The following LPP variants were observed in gnomAD, a reference collection of about 807,000 sequenced individuals.
The protein encoded by LPP is LIM domain containing preferred translocation partner in lipoma, also known as lipoma-preferred partner.
Under a neutral mutation model 60.4 loss-of-function variants are expected in LPP, and 38 were observed. The ratio of observed to expected loss-of-function variants is 0.63; its 90% CI spans 0.49 to 0.83. The LOEUF is 0.83. Ranked by LOEUF, LPP falls within the 40% of genes least tolerant of loss-of-function variation. LPP has a pLI of 0.00. For missense variants in LPP, 902 were observed against 783.6 expected (o/e 1.15, Z -1.80); for synonymous variants, 328 against 290.8 (o/e 1.13, Z -1.30).
intron 9 of LPP, among the ~76,000 whole-genome samples, chr3:188,839,495 G>C (rs1759358971): frequency 6.6e-6 from 1 of 152,236 alleles, no homozygotes; most frequent in East Asian, 1.9e-4. Flanking sequence ...CTGCTAACAG[G>C]GTTGTTCATT....
intron 7 of LPP, among the ~76,000 whole-genome samples, chr3:188,644,629 A>G (rs914132474): frequency 5.9e-5 from 9 of 152,174 alleles, no homozygotes; most frequent in Non-Finnish European, 1.2e-4. Flanking sequence ...TTAAAAAAAA[A>G]GTACTAAAAT....
intron 2 of LPP, among the ~76,000 whole-genome samples, chr3:188,340,396 C>CTTTTTTTTTTTTTTTTTTTTTT (rs5855188): frequency 1.7e-5 from 2 of 116,620 alleles, no homozygotes; most frequent in Non-Finnish European, 3.6e-5. Flanking sequence ...CAATCATGCT[C>CTTTTTTTTTTTTTTTTTTTTTT]TTTTTTTTTT....
chr3:188,486,015 A>G (rs1806399913), intron 5 of LPP, among the ~76,000 whole-genome samples: 1 of 152,078 alleles, frequency 6.6e-6, no homozygotes, highest in Admixed American at 6.5e-5. Flanking sequence ...CATTAATTTT[A>G]TCATTTGTTT....
Position 188,406,132 on chromosome 3 carries a change from A to ATTG in LPP, c.13_14insTGT (p.Pro4_Ser5insLeu). The ATTG allele has an allele frequency of 6.2e-7, 1 of 1,612,730 alleles. No individual in the cohort carries two copies. The highest frequency in any genetic ancestry group is 1.1e-5 in the South Asian group (1 of 90,806). ...TGCAGATTCCAACAATGTCTCACCCATCTTGGCTGCCACCCAAAAGCACTG... is the reference window on the plus strand; with the variant it reads ...TGCAGATTCCAACAATGTCTCACCCATTGTCTTGGCTGCCACCCAAAAGCACTG... On this transcript the variant is annotated inframe_insertion, in exon 4 of 12. Transcript: ENST00000617246.
chr3:188,540,061 A>G (rs1205765467), intron 6 of LPP, among the ~76,000 whole-genome samples: 1 of 152,184 alleles, frequency 6.6e-6, no homozygotes, highest in Non-Finnish European at 1.5e-5. Flanking sequence ...TAGATGTTTC[A>G]TTTGTTAAAG....
intron 8 of LPP, among the ~76,000 whole-genome samples, chr3:188,730,140 G>A (rs992415471): frequency 5.3e-5 from 8 of 152,182 alleles, no homozygotes; most frequent in East Asian, 1.9e-4. Flanking sequence ...ATCATTGTGC[G>A]TATGTGCATA....
chr3:188,454,922 C>T (rs1443526295), intron 4 of LPP, among the ~76,000 whole-genome samples: 1 of 152,174 alleles, frequency 6.6e-6, no homozygotes, highest in Non-Finnish European at 1.5e-5. Context: ...TAAACCACAT[C>T]AAGTTACCTG....
At chr3:188,792,966 C>T (rs970943019) in intron 9 of LPP, among the ~76,000 whole-genome samples, 27 of 151,948 alleles carry the variant, frequency 1.8e-4, no homozygotes, top group Non-Finnish European at 5.9e-5. Flanking sequence ...TTGAAGCTTC[C>T]GCAGAGGGGA....
At chr3:188,754,019 A>G (rs1192731221) in intron 8 of LPP, among the ~76,000 whole-genome samples, 1 of 152,242 alleles carries the variant, frequency 6.6e-6, no homozygotes, top group Non-Finnish European at 1.5e-5. Flanking sequence ...GCATATTGCT[A>G]CATTATGTAA....
intron 8 of LPP, among the ~76,000 whole-genome samples, chr3:188,746,810 AC>A (rs1726377865): frequency 6.6e-6 from 1 of 152,010 alleles, no homozygotes; most frequent in Non-Finnish European, 1.5e-5. Flanking sequence ...ACCCAGAAAT[AC>A]TCTACTGGCA....
chr3:188,251,045 C>T (rs1431017391), intron 2 of LPP, among the ~76,000 whole-genome samples: 1 of 117,918 alleles, frequency 8.5e-6, no homozygotes, highest in East Asian at 2.9e-4. Context: ...CCTTTTCTTT[C>T]TCTCTCTTTC....
At chr3:188,606,532 T>G (rs1842409655) in intron 6 of LPP, among the ~76,000 whole-genome samples, 1 of 152,170 alleles carries the variant, frequency 6.6e-6, no homozygotes, top group South Asian at 2.1e-4. Flanking sequence ...CATTTACTTT[T>G]GTAATTTAAG....
chr3:188,526,006 G>A (rs1820481930), intron 6 of LPP, among the ~76,000 whole-genome samples: 1 of 152,140 alleles, frequency 6.6e-6, no homozygotes. Context: ...GTCTTGAAAG[G>A]GTTGTGGCAA....
intron 7 of LPP, among the ~76,000 whole-genome samples, chr3:188,688,253 A>C (rs568137359): frequency 2.0e-5 from 3 of 152,252 alleles, no homozygotes; most frequent in Non-Finnish European, 4.4e-5. Flanking sequence ...TTGCCTAATT[A>C]ATAGCAAAAG....
At chr3:188,191,089 G>T (rs1273851929) in intron 1 of LPP, among the ~76,000 whole-genome samples, 1 of 152,194 alleles carries the variant, frequency 6.6e-6, no homozygotes, top group Non-Finnish European at 1.5e-5. Flanking sequence ...AATTAGCTGG[G>T]AGTGGTATTG....
chr3:188,697,817 C>T (rs188174861), intron 7 of LPP, among the ~76,000 whole-genome samples: 1 of 151,702 alleles, frequency 6.6e-6, no homozygotes, highest in Non-Finnish European at 1.5e-5. Flanking sequence ...CTAACATATA[C>T]TGGCCCTTTT....
chr3:188,817,002 G>C (rs1417840291), intron 9 of LPP, among the ~76,000 whole-genome samples: 2 of 152,138 alleles, frequency 1.3e-5, no homozygotes, highest in African/African-American at 4.8e-5. Flanking sequence ...AAGTACCCAA[G>C]AGTTTCTTTG....
chr3:188,336,318 G>A (rs1761613787), intron 2 of LPP, among the ~76,000 whole-genome samples: 1 of 152,106 alleles, frequency 6.6e-6, no homozygotes, highest in Non-Finnish European at 1.5e-5. Context: ...CTCTGTGCTA[G>A]GGTTGGATGT....
intron 2 of LPP, among the ~76,000 whole-genome samples, chr3:188,232,196 C>G (rs1196906197): frequency 1.3e-5 from 2 of 152,054 alleles, no homozygotes; most frequent in Non-Finnish European, 2.9e-5. Context: ...GAAATTGGAG[C>G]CTTAAAATTA....
Sources: allele counts gnomAD v4.1 joint callset (sites outside exome capture counted in the v4.1 genomes callset), GRCh38; gene constraint gnomAD v4.1.1; transcripts MANE v1.5; gene names NCBI Gene and HGNC (gene_info 2026-07-23, HGNC 2026-07-21).